CLEC16A: variants seen among roughly 807,000 people sequenced by gnomAD.
CLEC16A encodes protein CLEC16A.
In CLEC16A, 51 loss-of-function variants were observed where a neutral mutation model predicts 109.5. The observed-to-expected ratio is 0.47, with a 90% CI of 0.37 to 0.59. CLEC16A has a LOEUF of 0.59. Ranked by LOEUF, CLEC16A falls within the 20% of genes least tolerant of loss-of-function variation. CLEC16A has a pLI of 0.00. For synonymous variants in CLEC16A, 673 were observed against 564.2 expected (o/e 1.19, Z -2.73); for missense variants, 1,339 against 1,394.0 (o/e 0.96, Z 0.63).
At chr16:11,095,483 G>A (rs1027963549) in intron 19 of CLEC16A, among the ~76,000 whole-genome samples, 1 of 152,202 alleles carries the variant, frequency 6.6e-6, no homozygotes, top group Non-Finnish European at 1.5e-5. Flanking sequence ...CAGCATAGCT[G>A]AGGGTTTGCC....
rs943377617 is a variant in CLEC16A, at chr16:11,150,749, G to T, written c.2642-15639G>T. On this transcript the variant is annotated intron_variant, in intron 22 of 23. Coordinates refer to ENST00000409790, the MANE Select transcript of CLEC16A (RefSeq NM_015226.3). ...ACAGCAGAAATTGATTGTCTCACAG[G>T]TCTGGAGGGTAGAAGTGCAAAATCA... Among the ~76,000 whole-genome samples, 8 of 152,184 alleles carry T rather than the reference G, an allele frequency of 5.3e-5. No individual in the cohort carries two copies. In the East Asian group the frequency reaches 1.3e-3, roughly 26 times the overall value.
At chr16:11,157,107 G>A in intron 22 of CLEC16A, 1 of 1,303,448 alleles carries the variant, frequency 7.7e-7, no homozygotes, top group Non-Finnish European at 1.0e-6. Context: ...AAATCTGAGA[G>A]GATTTATCCA....
At chr16:10,995,089 A>G (rs117623350) in intron 10 of CLEC16A, among the ~76,000 whole-genome samples, 4,007 of 152,318 alleles carry the variant, frequency 0.026, 101 homozygotes, top group Non-Finnish European at 0.042. Flanking sequence ...AAGCAAGACA[A>G]TGTATATAAA....
At chr16:11,129,929 AT>A (rs1254117831) in intron 22 of CLEC16A, among the ~76,000 whole-genome samples, 2 of 151,860 alleles carry the variant, frequency 1.3e-5, no homozygotes, top group East Asian at 3.9e-4. Flanking sequence ...CGCCCGGTTA[AT>A]TTTTTGTATT....
chr16:11,109,304 C>T (rs1479747963), intron 19 of CLEC16A, among the ~76,000 whole-genome samples: 1 of 151,846 alleles, frequency 6.6e-6, no homozygotes, highest in Non-Finnish European at 1.5e-5. Flanking sequence ...CAGGTGTGCA[C>T]CACCACACCC....
rs1393296340 is a variant in CLEC16A at position 11,181,333 on chromosome 16, G to A, written c.*2643G>A. 6.6e-6 allele frequency: 1 copy of A among 152,324 alleles called. No homozygotes were observed. Among genetic ancestry groups the A allele is most frequent in the African/African-American group, 2.4e-5 (1 of 41,452 alleles). 9.4% of individuals were successfully genotyped at this position (152,324 alleles called of 1,614,324 possible). A position where few individuals can be genotyped will look rare whatever the true frequency, so the allele number is the denominator to read the frequency against. The stretch of plus-strand genomic sequence containing the variant: ...CAGGAGTGTGGGAAGGCCCACAGTG[G>A]GGGCTGTGGCTTCTGACACTCAGGT... On this transcript the variant is annotated 3_prime_UTR_variant, in exon 24 of 24. Coordinates refer to ENST00000409790, the MANE Select transcript of CLEC16A (RefSeq NM_015226.3).
In CLEC16A at chr16:11,119,941, G is replaced by C. The variant is rs147599939; in HGVS notation, c.2117-674G>C. On this transcript the variant is annotated intron_variant, in intron 19 of 23. Coordinates refer to ENST00000409790, the MANE Select transcript of CLEC16A (RefSeq NM_015226.3). ...CAGTTTCTTTCTTGGATTGCTGATT[G>C]TTTTGTTGTTTTGTTTTGTGTTGTG... Among the ~76,000 whole-genome samples, 17 of 131,522 alleles carry C rather than the reference G, an allele frequency of 1.3e-4. No homozygotes were observed. In the East Asian group the frequency reaches 3.5e-3, roughly 27 times the overall value. The allele number at this position is 131,522 out of a possible 152,430, so 86.3% of individuals were successfully genotyped here.
intron 1 of CLEC16A, among the ~76,000 whole-genome samples, chr16:10,955,245 C>G (rs537460340): frequency 6.6e-6 from 1 of 152,330 alleles, no homozygotes; most frequent in East Asian, 1.9e-4. Flanking sequence ...GTCGTGTATG[C>G]TTTGATCTAA....
intron 19 of CLEC16A, among the ~76,000 whole-genome samples, chr16:11,104,475 G>A (rs537521925): frequency 1.4e-3 from 209 of 152,240 alleles, no homozygotes; most frequent in African/African-American, 4.7e-3. Flanking sequence ...TCTGCCTGGG[G>A]ACCTCACCCC....
At chr16:11,118,848 T>C (rs2052195296) in intron 19 of CLEC16A, among the ~76,000 whole-genome samples, 1 of 152,224 alleles carries the variant, frequency 6.6e-6, no homozygotes, top group Admixed American at 6.5e-5. Flanking sequence ...TTCATTCTTC[T>C]GCGTATGGCT....
intron 12 of CLEC16A, among the ~76,000 whole-genome samples, chr16:11,023,355 A>T (rs1408165949): frequency 6.6e-6 from 1 of 152,206 alleles, no homozygotes; most frequent in Non-Finnish European, 1.5e-5. Context: ...TGAAAATATA[A>T]TCCAAATTTC....
intron 19 of CLEC16A, among the ~76,000 whole-genome samples, chr16:11,064,709 T>A (rs2152913464): frequency 6.6e-6 from 1 of 152,198 alleles, no homozygotes; most frequent in African/African-American, 2.4e-5. Context: ...CCCGGGAAGT[T>A]GAGGCTGCAG....
chr16:11,137,704 G>A (rs1220225408), intron 22 of CLEC16A, among the ~76,000 whole-genome samples: 2 of 151,930 alleles, frequency 1.3e-5, no homozygotes, highest in Non-Finnish European at 2.9e-5. Flanking sequence ...AGCTACTCAG[G>A]AGGCTGAGGC....
chr16:11,116,514 C>G (rs753624131), intron 19 of CLEC16A, among the ~76,000 whole-genome samples: 5 of 152,028 alleles, frequency 3.3e-5, no homozygotes, highest in African/African-American at 1.2e-4. Context: ...GAGGGAAACA[C>G]GAGGCCTGTA....
chr16:10,953,818 T>C (rs1278111644), intron 1 of CLEC16A, among the ~76,000 whole-genome samples: 1 of 151,968 alleles, frequency 6.6e-6, no homozygotes, highest in Non-Finnish European at 1.5e-5. Flanking sequence ...CTACTAAAAA[T>C]ACAAAACAAT....
At chr16:11,119,814 C>T (rs750852283) in intron 19 of CLEC16A, among the ~76,000 whole-genome samples, 1 of 152,102 alleles carries the variant, frequency 6.6e-6, no homozygotes, top group African/African-American at 2.4e-5. Flanking sequence ...ATAGGAATTG[C>T]ATTGAATGTG....
In CLEC16A at chr16:11,001,767, A is replaced by G. The variant is rs150667491; in HGVS notation, c.1072-1307A>G. 1.3e-3 allele frequency among the ~76,000 whole-genome samples: 193 copies of G among 152,202 alleles called. 4 individuals are homozygous for G. The East Asian group carries it at 0.035, about 28-fold the overall frequency. On this transcript the variant is annotated intron_variant, in intron 10 of 23. Coordinates refer to ENST00000409790, the MANE Select transcript of CLEC16A (RefSeq NM_015226.3). ...GCAATCCCTCCCACCTCAGCCCCGC[A>G]AAGTGCTGGGATTAGAGAGGTGAGC...
At chr16:11,002,988 A>T in intron 10 of CLEC16A, 86 bp from the exon 11 acceptor site, 1 of 1,048,820 alleles carries the variant, frequency 9.5e-7, no homozygotes, top group Non-Finnish European at 1.4e-6. Context: ...TGAGTTTCTT[A>T]GGACAGAAAC....
At chr16:11,008,850 C>A (rs1265219655) in intron 11 of CLEC16A, among the ~76,000 whole-genome samples, 20 of 118,156 alleles carry the variant, frequency 1.7e-4, no homozygotes, top group East Asian at 7.2e-4. Flanking sequence ...AAAAAAAAAA[C>A]TAGCCAGGCG....
Sources: allele counts gnomAD v4.1 joint callset (sites outside exome capture counted in the v4.1 genomes callset), GRCh38; gene constraint gnomAD v4.1.1; transcripts MANE v1.5; gene names NCBI Gene and HGNC (gene_info 2026-07-23, HGNC 2026-07-21).